The following HPN variants were observed in gnomAD, a reference collection of about 807,000 sequenced individuals.
HPN encodes the protein serine protease hepsin.
A neutral mutation model predicts 55.9 loss-of-function variants in HPN; 13 were observed. The observed-to-expected ratio is 0.23, with a 90% confidence interval of 0.15 to 0.37. The LOEUF (loss-of-function observed/expected upper bound fraction) is 0.37. Ranked by LOEUF, HPN falls within the 10% of genes least tolerant of loss-of-function variation. The probability of loss-of-function intolerance (pLI) is 1.00; values close to 1 mark genes in which losing one functional copy is unlikely to be tolerated. For synonymous variants in HPN, 225 were observed against 240.3 expected (o/e 0.94, Z 0.59); for missense variants, 451 against 575.8 (o/e 0.78, Z 2.22).
chr19:35,065,122 T>G, intron 9 of HPN, 128 bp from the exon 10 acceptor site: 1 of 615,828 alleles, frequency 1.6e-6, no homozygotes, highest in Non-Finnish European at 2.8e-6. Flanking sequence ...GTGCCCAGCC[T>G]ATTGTGGTTT....
At chr19:35,042,673 T>G in intron 2 of HPN, 151 bp downstream of exon 2, 1 of 632,804 alleles carries the variant, frequency 1.6e-6, no homozygotes, top group Non-Finnish European at 2.8e-6. Flanking sequence ...TCCACCTGAT[T>G]AACTATTAAC....
At chr19:35,060,302 G>T in intron 7 of HPN, 45 bp from the exon 8 acceptor site, 1 of 1,607,668 alleles carries the variant, frequency 6.2e-7, no homozygotes. Flanking sequence ...GGGGACCTGG[G>T]CTCCAGTCCC....
chr19:35,049,977 C>T (rs546092979), intron 4 of HPN, among the ~76,000 whole-genome samples: 11 of 151,638 alleles, frequency 7.3e-5, no homozygotes, highest in Non-Finnish European at 8.8e-5. Flanking sequence ...TTGAGCAATG[C>T]AGCAGTTTGC....
In HPN at chr19:35,063,232, C is replaced by T. The variant is rs570748563; in HGVS notation, c.812-2018C>T. Among the ~76,000 whole-genome samples, 84 of 152,334 alleles carry T rather than the reference C, an allele frequency of 5.5e-4. 1 individual carries two copies. In the East Asian group the frequency reaches 0.01, roughly 19 times the overall value. ...GCCCCAAATTCGTACAGCTGGTGAA[C>T]GGCAAAGATTTGTGCCCAGGTGGAC... is the stretch of plus-strand genomic sequence containing the variant. On this transcript the variant is annotated intron_variant, in intron 9 of 12. Coordinates refer to ENST00000672452, the MANE Select transcript of HPN (RefSeq NM_001384133.1).
At position 35,065,772 on chromosome 19, in the gene HPN, G is replaced by C. The variant is rs2064600727; in HGVS notation, c.1050+91G>C. 2.5e-6 allele frequency: 4 copies of C among 1,597,096 alleles called. No homozygotes were observed. In the Admixed American group the frequency reaches 5.1e-5, roughly 20 times the overall value. On this transcript the variant is annotated intron_variant, in intron 11 of 12. Transcript: ENST00000672452. ...GGGTGGTCAGGCTCCCCATCTAAAA[G>C]CCTGAGGGCTCTGGGGCCACAGCCC...
chr19:35,044,732 G>A (rs1023825338), intron 2 of HPN, among the ~76,000 whole-genome samples: 1 of 152,192 alleles, frequency 6.6e-6, no homozygotes, highest in Non-Finnish European at 1.5e-5. Context: ...ATGCCAGGCT[G>A]AGGGACTTAA....
chr19:35,053,784 G>T (rs754066330), intron 4 of HPN, among the ~76,000 whole-genome samples: 3 of 151,412 alleles, frequency 2.0e-5, no homozygotes, highest in Non-Finnish European at 4.4e-5. Flanking sequence ...ATAAGAATCC[G>T]CCCCCCTCCC....
rs541964739 is a variant in HPN at position 35,060,434 on chromosome 19, G to T, written c.542G>T (p.Arg181Leu). ...CGGTGGCCGTGGCAAGTCAGCCTTC[G>T]CTATGATGGAGCACACCTCTGTGGG... ...LGRWPWQVSL[R>L]YDGAHLCGGS... The change falls in exon 8 of 13, where the codon CGC becomes CTC. Residue 181 changes from arginine to leucine, a missense_variant. Physicochemically the swap from Arg to Leu is moderately radical, Grantham distance 102. Transcript: ENST00000672452. 3.1e-6 allele frequency: 5 copies of T among 1,613,354 alleles called. No homozygotes were observed. The highest frequency in any genetic ancestry group is 2.5e-6 in the Non-Finnish European group (3 of 1,179,990).
chr19:35,059,447 A>G, intron 4 of HPN: 1 of 676,028 alleles, frequency 1.5e-6, no homozygotes, highest in Non-Finnish European at 2.7e-6. Flanking sequence ...ACACCACTAC[A>G]CTCCAGCCTG....
At chr19:35,050,591 A>G in intron 4 of HPN, 1 of 1,133,868 alleles carries the variant, frequency 8.8e-7, no homozygotes, top group Non-Finnish European at 1.2e-6. Flanking sequence ...TAACTGTGGG[A>G]TGAATGAATG....
upstream of HPN, among the ~76,000 whole-genome samples, chr19:35,041,111 C>T (rs925421783): frequency 2.2e-4 from 33 of 152,212 alleles, no homozygotes; most frequent in African/African-American, 6.5e-4. Flanking sequence ...GGCCTCTGCC[C>T]TTAGCGCTGT....
intron 2 of HPN, among the ~76,000 whole-genome samples, chr19:35,048,662 G>A (rs1259756121): frequency 3.9e-5 from 6 of 152,104 alleles, no homozygotes; most frequent in Non-Finnish European, 7.4e-5. Flanking sequence ...GGGAGGCTGA[G>A]GAAGGAAGAT....
upstream of HPN, among the ~76,000 whole-genome samples, chr19:35,040,739 G>A (rs913897992): frequency 3.9e-5 from 6 of 152,138 alleles, no homozygotes; most frequent in Non-Finnish European, 8.8e-5. Flanking sequence ...GGTGGGCGCT[G>A]GGGAGAAGGA....
intron 2 of HPN, among the ~76,000 whole-genome samples, chr19:35,047,860 G>C (rs1192198886): frequency 6.6e-6 from 1 of 151,834 alleles, no homozygotes; most frequent in Non-Finnish European, 1.5e-5. Context: ...AGCCATGTGT[G>C]GTGGTGTGCG....
chr19:35,049,047 T>G (rs568019797), intron 2 of HPN, among the ~76,000 whole-genome samples: 1 of 152,150 alleles, frequency 6.6e-6, no homozygotes, highest in African/African-American at 2.4e-5. Flanking sequence ...GTGGAGACCG[T>G]GGCAGGTGGC....
At chr19:35,050,845 T>C (rs1445250083) in intron 4 of HPN, among the ~76,000 whole-genome samples, 2 of 151,880 alleles carry the variant, frequency 1.3e-5, no homozygotes, top group Admixed American at 6.6e-5. Flanking sequence ...CCTTATGATA[T>C]CAACTCATTA....
At chr19:35,048,028 A>AAAAAGAAAG (rs1555722915) in intron 2 of HPN, among the ~76,000 whole-genome samples, 4 of 87,454 alleles carry the variant, frequency 4.6e-5, no homozygotes, top group African/African-American at 8.0e-5. Flanking sequence ...GAGAGAGAGA[A>AAAAAGAAAG]AAAGAAAGAA....
At position 35,066,006 on chromosome 19, in the gene HPN, C is replaced by G. The variant is rs1430885158; in HGVS notation, c.1189C>G (p.Arg397Gly). Residue 397 changes from arginine to glycine, a missense_variant, in exon 12 of 13, where the codon CGG becomes GGG. Physicochemically the swap from Arg to Gly is moderately radical, Grantham distance 125 (BLOSUM62 -2). This residue lies in a region of HPN where 73 missense variants were observed against 130.3 expected (regional missense o/e 0.56). Transcript: ENST00000672452. ...PGVYTKVSDF[R>G]EWIFQAIKTH... is the part of the protein sequence containing the mutation. ...CGTCTACACCAAAGTCAGTGACTTC[C>G]GGGAGTGGATCTTCCAGGCCATAAA... is the stretch of plus-strand genomic sequence containing the variant. The G allele has an allele frequency of 1.2e-6, 2 of 1,611,844 alleles. No homozygotes were observed. The highest frequency in any genetic ancestry group is 2.7e-5 in the African/African-American group (2 of 74,934).
At chr19:35,050,522 G>C in intron 4 of HPN, 2 of 1,288,932 alleles carry the variant, frequency 1.6e-6, no homozygotes, top group East Asian at 5.6e-5. Context: ...CTTATCCACT[G>C]TAAGTGTGTC....
Sources: allele counts gnomAD v4.1 joint callset (sites outside exome capture counted in the v4.1 genomes callset), GRCh38; gene constraint gnomAD v4.1.1; regional missense constraint gnomAD v4.1.1; transcripts MANE v1.5; gene names NCBI Gene and HGNC (gene_info 2026-07-23, HGNC 2026-07-21).